SHOX2: variants seen among roughly 807,000 people sequenced by gnomAD.
SHOX2 encodes short stature homeobox protein 2.
SHOX2 carries 13 observed loss-of-function variants against 31.3 expected under a neutral mutation model. The observed-to-expected ratio is 0.42, with a 90% CI of 0.27 to 0.66. The LOEUF (loss-of-function observed/expected upper bound fraction) is 0.66, where lower values mean the gene tolerates loss of function less well. SHOX2 is among the 30% of genes least tolerant of loss of function. The pLI is 0.27. For synonymous variants in SHOX2, 244 were observed against 196.2 expected (o/e 1.24, Z -2.04); for missense variants, 473 against 443.0 (o/e 1.07, Z -0.61).
In SHOX2 at chr3:158,096,918, A is replaced by ATATATATATATG. The variant is rs1713139705; in HGVS notation, c.*1108_*1109insCATATATATATA. 2 of 123,866 alleles carry ATATATATATATG rather than the reference A, an allele frequency of 1.6e-5. No individual in the cohort carries two copies. Among genetic ancestry groups the ATATATATATATG allele is most frequent in the African/African-American group, 3.0e-5 (1 of 33,432 alleles). The allele number at this position is 123,866 out of a possible 1,614,324, so 7.7% of individuals were successfully genotyped here. ...TATATATATATATATATATATATATATATATATATATATGGCAAATATATG... is the reference window on the plus strand; with the variant it reads ...TATATATATATATATATATATATATATATATATATATGTATATATATATATGGCAAATATATG... On this transcript the variant is annotated 3_prime_UTR_variant, in exon 5 of 5. Transcript: ENST00000483851.
chr3:158,104,847 C>T (rs1160037501), intron 1 of SHOX2, among the ~76,000 whole-genome samples: 1 of 152,154 alleles, frequency 6.6e-6, no homozygotes, highest in Non-Finnish European at 1.5e-5. Context: ...ACTGCAGGCA[C>T]CAAGTGCCAA....
rs1365821741 is a variant in SHOX2 at position 158,102,538 on chromosome 3, C to T, written c.555+140G>A. 1.5e-5 allele frequency: 10 copies of T among 664,590 alleles called. No homozygotes were observed. The Admixed American group carries it at 2.8e-4, about 18-fold the overall frequency. The allele number at this position is 664,590 out of a possible 1,614,324, so 41.2% of individuals were successfully genotyped here. A position where few individuals can be genotyped will look rare whatever the true frequency, so the allele number is the denominator to read the frequency against. On this transcript the variant is annotated intron_variant, in intron 2 of 4. Transcript: ENST00000483851. ...CTAAGATCTACTTTGGAAAATAAGACCTCTAGTAAAGATATCTCTTTCCTT... is the reference window on the plus strand; with the variant it reads ...CTAAGATCTACTTTGGAAAATAAGATCTCTAGTAAAGATATCTCTTTCCTT...
At chr3:158,101,089 A>C (rs1036475172) in intron 2 of SHOX2, among the ~76,000 whole-genome samples, 1 of 152,258 alleles carries the variant, frequency 6.6e-6, no homozygotes, top group South Asian at 2.1e-4. Flanking sequence ...TTACCTGCTT[A>C]AACTTGACAA....
In SHOX2 at chr3:158,106,061, A is replaced by G. The variant is rs1213139491; in HGVS notation, c.-37T>C. On this transcript the variant is annotated 5_prime_UTR_variant, in exon 1 of 5. Transcript: ENST00000483851. ...GTCAGCCCGGCGCTCAACCTCTGCC[A>G]GCAGAGCCCCGCTCTTTTTTTCCTT... The G allele has an allele frequency of 1.9e-6, 3 of 1,609,992 alleles. No individual in the cohort carries two copies. The highest frequency in any genetic ancestry group is 3.3e-5 in the Admixed American group (2 of 59,866).
In SHOX2 at chr3:158,106,264, G is replaced by T; in HGVS notation, c.-240C>A. On this transcript the variant is annotated 5_prime_UTR_variant, in exon 1 of 5. Transcript: ENST00000483851. ...GAGGAGGAGGAAGAAGAGGAAGAGG[G>T]GGAGAAGGGTGAAGAGGAGAGGGAG... 1 of 589,272 alleles carries T rather than the reference G, an allele frequency of 1.7e-6. No homozygotes were observed. 36.5% of individuals were successfully genotyped at this position (589,272 alleles called of 1,614,324 possible).
intron 2 of SHOX2, among the ~76,000 whole-genome samples, chr3:158,101,620 G>A (rs965779466): frequency 6.6e-6 from 1 of 151,872 alleles, no homozygotes; most frequent in African/African-American, 2.4e-5. Context: ...GTTACAAGAT[G>A]TGGGGAAGCC....
rs760830325 is a variant in SHOX2, at chr3:158,100,291, T to C, written c.576A>G (p.Arg192=). 1.2e-5 allele frequency: 20 copies of C among 1,602,646 alleles called. No individual in the cohort carries two copies. In the Admixed American group the frequency reaches 3.5e-4, roughly 28 times the overall value. ...ARVQVWFQNR[R]AKCRKQENQL... is the part of the protein sequence containing the mutation. ...GATTTTCTTGTTTTCTACATTTAGCTCTTCGATTTTGAAACCAAACCTATA... is the reference window on the plus strand; with the variant it reads ...GATTTTCTTGTTTTCTACATTTAGCCCTTCGATTTTGAAACCAAACCTATA... Residue 192 remains arginine, a synonymous_variant, in exon 3 of 5, where the codon AGA becomes AGG. Transcript: ENST00000483851.
At chr3:158,102,989 A>G (rs1411584421) in intron 1 of SHOX2, 103 bp from the exon 2 acceptor site, 1 of 1,111,166 alleles carries the variant, frequency 9.0e-7, no homozygotes, top group South Asian at 1.3e-5. Flanking sequence ...CTGTTACCAG[A>G]TTTGTCGCAA....
At position 158,099,467 on chromosome 3, in the gene SHOX2, G is replaced by A. The variant is rs146191850; in HGVS notation, c.702+393C>T. Among the ~76,000 whole-genome samples, 49 of 152,324 alleles carry A rather than the reference G, an allele frequency of 3.2e-4. 1 individual carries two copies. The East Asian group carries it at 8.7e-3, about 27-fold the overall frequency. On this transcript the variant is annotated intron_variant, in intron 4 of 4. Coordinates refer to ENST00000483851, the MANE Select transcript of SHOX2 (RefSeq NM_001163678.2). ...TTCTTCTGTCAGAGTTATTTAATGT[G>A]ACTAAGAGGTAGAAAATACCTAGAA...
rs1005179989 is a variant in SHOX2 at position 158,096,806 on chromosome 3, A to C, written c.*1221T>G. On this transcript the variant is annotated 3_prime_UTR_variant, in exon 5 of 5. Coordinates refer to ENST00000483851, the MANE Select transcript of SHOX2 (RefSeq NM_001163678.2). ...TTTCCTTTCCCCACATATTCTGCCC[A>C]CCTCTGTCTTCTTAGGACAATGAGT... 1 of 146,332 alleles carries C rather than the reference A, an allele frequency of 6.8e-6. No homozygotes were observed. The highest frequency in any genetic ancestry group is 2.5e-5 in the African/African-American group (1 of 39,388). 9.1% of individuals were successfully genotyped at this position (146,332 alleles called of 1,614,324 possible).
At chr3:158,104,556 AAC>A (rs1713731816) in intron 1 of SHOX2, among the ~76,000 whole-genome samples, 1 of 152,238 alleles carries the variant, frequency 6.6e-6, no homozygotes, top group Admixed American at 6.5e-5. Context: ...TAAATATGAA[AAC>A]ACACCCTTCA....
Position 158,098,228 on chromosome 3 carries a change from A to T in SHOX2, c.759T>A (p.His253Gln), listed in dbSNP as rs1379682714. ...SAVAHAHHHL[H>Q]PHLAAHAPYM... ...AGGGCGCGTGCGCGGCCAGGTGCGG[A>T]TGCAGGTGGTGGTGCGCGTGCGCCA... Residue 253 changes from histidine to glutamine, a missense_variant, in exon 5 of 5, where the codon CAT becomes CAA. His to Gln is a conservative substitution (Grantham distance 24). This residue lies in a region of SHOX2 where 182 missense variants were observed against 167.2 expected (regional missense o/e 1.09). Coordinates refer to ENST00000483851, the MANE Select transcript of SHOX2 (RefSeq NM_001163678.2). 1 of 1,613,930 alleles carries T rather than the reference A, an allele frequency of 6.2e-7. No homozygotes were observed. The highest frequency in any genetic ancestry group is 1.1e-5 in the South Asian group (1 of 91,044).
chr3:158,102,666 G>GC lies in SHOX2; in HGVS notation c.555+11dup. The GC allele has an allele frequency of 6.2e-7, 1 of 1,613,392 alleles. No homozygotes were observed. The highest frequency in any genetic ancestry group is 1.1e-5 in the South Asian group (1 of 91,056). On this transcript the variant is annotated intron_variant, in intron 2 of 4. Transcript: ENST00000483851. Reference sequence around the variant, plus strand: ...TGCTCCCTGGGCCCTCGACCTCCTGGCAGCTGGGTACCTGCACTCGGGCCT... The same window carrying GC: ...TGCTCCCTGGGCCCTCGACCTCCTGGCCAGCTGGGTACCTGCACTCGGGCCT...
chr3:158,095,970 A>C lies in SHOX2; in HGVS notation c.*2057T>G, dbSNP rs569710879. The C allele has an allele frequency of 1.3e-5, 2 of 152,778 alleles. No homozygotes were observed. The highest frequency in any genetic ancestry group is 3.9e-4 in the East Asian group (2 of 5,190). 9.5% of individuals were successfully genotyped at this position (152,778 alleles called of 1,614,324 possible). ...AATCAAAAGGGAAAGACTATCCCGG[A>C]TATTTTAATAGTAACAGGAACAAAG... On this transcript the variant is annotated 3_prime_UTR_variant, in exon 5 of 5. Coordinates refer to ENST00000483851, the MANE Select transcript of SHOX2 (RefSeq NM_001163678.2).
rs987838901 is a variant in SHOX2 at position 158,097,898 on chromosome 3, G to A, written c.*129C>T. ...GTCCAAGATGCGATAGGGGACGAGG[G>A]ATGGTCAGTGAGGCGGGAAGAGGGC... On this transcript the variant is annotated 3_prime_UTR_variant, in exon 5 of 5. Coordinates refer to ENST00000483851, the MANE Select transcript of SHOX2 (RefSeq NM_001163678.2). The A allele has an allele frequency of 3.1e-5, 37 of 1,191,304 alleles. No homozygotes were observed. Among genetic ancestry groups the A allele is most frequent in the Non-Finnish European group, 4.1e-5 (35 of 850,950 alleles). The allele number at this position is 1,191,304 out of a possible 1,614,324, so 73.8% of individuals were successfully genotyped here. A position where few individuals can be genotyped will look rare whatever the true frequency, so the allele number is the denominator to read the frequency against.
chr3:158,101,796 T>G lies in SHOX2; in HGVS notation c.555+882A>C, dbSNP rs1713509328. Reference sequence around the variant, plus strand: ...TATCATTTTATTCTATTTTATTATCTGAGCGGAAATACAATCTGAAACATT... The same window carrying G: ...TATCATTTTATTCTATTTTATTATCGGAGCGGAAATACAATCTGAAACATT... On this transcript the variant is annotated intron_variant, in intron 2 of 4. Transcript: ENST00000483851. 1.3e-5 allele frequency among the ~76,000 whole-genome samples: 2 copies of G among 152,214 alleles called. 1 individual carries two copies. Among genetic ancestry groups the G allele is most frequent in the South Asian group, 4.1e-4 (2 of 4,830 alleles).
At position 158,096,963 on chromosome 3, in the gene SHOX2, T is replaced by TG. The variant is rs1713157082; in HGVS notation, c.*1063_*1064insC. On this transcript the variant is annotated 3_prime_UTR_variant, in exon 5 of 5. Coordinates refer to ENST00000483851, the MANE Select transcript of SHOX2 (RefSeq NM_001163678.2). ...TATATGATATATATATATGGATATA[T>TG]ATATATCAATTTCCAGATACTTTTG... 1 of 141,434 alleles carries TG rather than the reference T, an allele frequency of 7.1e-6. No homozygotes were observed. Among genetic ancestry groups the TG allele is most frequent in the African/African-American group, 2.6e-5 (1 of 38,150 alleles). The allele number at this position is 141,434 out of a possible 1,614,324, so 8.8% of individuals were successfully genotyped here.
In SHOX2 at chr3:158,105,807, C is replaced by T; in HGVS notation, c.218G>A (p.Gly73Glu). 2.0e-6 allele frequency: 3 copies of T among 1,467,548 alleles called. No homozygotes were observed. The highest frequency in any genetic ancestry group is 2.7e-6 in the Non-Finnish European group (3 of 1,108,024). The allele number at this position is 1,467,548 out of a possible 1,614,324, so 90.9% of individuals were successfully genotyped here. The change falls in exon 1 of 5, where the codon GGA becomes GAA. Residue 73 changes from glycine (G) to glutamate (E), a missense_variant. By Grantham distance (98) the Gly-to-Glu change is moderately conservative (BLOSUM62 -2). Transcript: ENST00000483851. ...GGGGGGGGGGGGGGGVGGGGA... is the reference protein window; with the variant it reads ...GGGGGGGGGGEGGGGVGGGGA... The stretch of plus-strand genomic sequence containing the variant: ...TCCTCCTCCTACACCTCCTCCGCCT[C>T]CTCCGCCGCCGCCTCCGCCTCCTCC...
chr3:158,105,516 G>T (rs1286913709), intron 1 of SHOX2, among the ~76,000 whole-genome samples, 163 bp downstream of exon 1: 1 of 116,952 alleles, frequency 8.6e-6, no homozygotes, highest in African/African-American at 3.4e-5. Context: ...GCATACCACC[G>T]GACCCCCACC....
Sources: allele counts gnomAD v4.1 joint callset (sites outside exome capture counted in the v4.1 genomes callset), GRCh38; gene constraint gnomAD v4.1.1; regional missense constraint gnomAD v4.1.1; transcripts MANE v1.5; gene names NCBI Gene and HGNC (gene_info 2026-07-23, HGNC 2026-07-21).